PC: variants seen among roughly 807,000 people sequenced by gnomAD.
PC encodes the protein pyruvate carboxylase.
PC carries 46 observed loss-of-function variants against 107.8 expected under a neutral mutation model. The ratio of observed to expected loss-of-function variants is 0.43; its 90% confidence interval spans 0.34 to 0.55. The LOEUF (loss-of-function observed/expected upper bound fraction) is 0.55, where lower values mean the gene tolerates loss of function less well. PC is among the 20% of genes least tolerant of loss of function. The pLI is 0.04. For synonymous variants in PC, 662 were observed against 684.7 expected, an observed-to-expected ratio of 0.97 and a Z score of 0.52; for missense variants, 1,241 against 1,643.1, an observed-to-expected ratio of 0.76 and a Z score of 4.23.
At chr11:66,895,323 T>C (rs1374199410) in intron 3 of PC, among the ~76,000 whole-genome samples, 3 of 152,202 alleles carry the variant, frequency 2.0e-5, no homozygotes, top group Non-Finnish European at 4.4e-5. Flanking sequence ...AACTCAGAAC[T>C]GGACCCCCAC....
In PC at chr11:66,945,007, G is replaced by A. The variant is rs1350837097; in HGVS notation, c.-1+7423C>T. Among the ~76,000 whole-genome samples, 4 of 117,606 alleles carry A rather than the reference G, an allele frequency of 3.4e-5. 1 individual carries two copies. The highest frequency in any genetic ancestry group is 7.6e-5 in the Non-Finnish European group (4 of 52,730). 77.2% of individuals were successfully genotyped at this position (117,606 alleles called of 152,430 possible). On this transcript the variant is annotated intron_variant, in intron 3 of 22. Coordinates refer to ENST00000393960, the MANE Select transcript of PC (RefSeq NM_001040716.2). ...GATGGCAATGGGCTCTCCAAAGATT[G>A]GTAGCTCTCCACCGGGAGGTTAGGG...
At chr11:66,937,487 T>C (rs1041322131) in intron 3 of PC, among the ~76,000 whole-genome samples, 1 of 152,212 alleles carries the variant, frequency 6.6e-6, no homozygotes. Flanking sequence ...CTGAGCTTCC[T>C]GAGTGGGTAG....
At chr11:66,946,638 TA>T (rs1473740519) in intron 3 of PC, among the ~76,000 whole-genome samples, 2 of 151,846 alleles carry the variant, frequency 1.3e-5, no homozygotes, top group African/African-American at 4.8e-5. Context: ...AAATTTTTTT[TA>T]AATCAGCCAG....
chr11:66,888,610 T>TTAAA (rs1301236897), intron 3 of PC, among the ~76,000 whole-genome samples: 1 of 152,056 alleles, frequency 6.6e-6, no homozygotes, highest in Non-Finnish European at 1.5e-5. Flanking sequence ...GGATGTGGCC[T>TTAAA]TAAATAAACA....
At chr11:66,937,576 T>G (rs1034968565) in intron 3 of PC, among the ~76,000 whole-genome samples, 1 of 152,108 alleles carries the variant, frequency 6.6e-6, no homozygotes, top group Non-Finnish European at 1.5e-5. Flanking sequence ...ATGATGCATA[T>G]GTTGATTTGT....
At chr11:66,929,174 G>C (rs1948787945) in intron 3 of PC, among the ~76,000 whole-genome samples, 2 of 152,230 alleles carry the variant, frequency 1.3e-5, no homozygotes, top group South Asian at 4.2e-4. Context: ...TCAGTGTCAT[G>C]TGAGTTTGAA....
At chr11:66,943,970 CAAA>C (rs145566931) in intron 3 of PC, among the ~76,000 whole-genome samples, 10 of 100,638 alleles carry the variant, frequency 9.9e-5, no homozygotes, top group Admixed American at 1.1e-4. Flanking sequence ...GAAACTGTCT[CAAA>C]AAAAAAAAAA....
intron 12 of PC, 109 bp from the exon 13 acceptor site, chr11:66,853,492 C>T (rs1326265050): frequency 1.5e-6 from 2 of 1,320,564 alleles, no homozygotes; most frequent in East Asian, 4.6e-5. Context: ...TGGGCCAGCA[C>T]AGCTTCTGGG....
At chr11:66,882,056 G>A (rs35099456) in intron 3 of PC, among the ~76,000 whole-genome samples, 3 of 152,148 alleles carry the variant, frequency 2.0e-5, no homozygotes, top group African/African-American at 7.2e-5. Flanking sequence ...GAGAGCTGAC[G>A]AACAATGTCA....
intron 13 of PC, 172 bp downstream of exon 13, chr11:66,853,067 C>T (rs750404237): frequency 3.7e-4 from 274 of 738,920 alleles, no homozygotes; most frequent in Non-Finnish European, 5.7e-4. Flanking sequence ...GCAAGGAGAG[C>T]AGTGAATGGC....
intron 3 of PC, among the ~76,000 whole-genome samples, chr11:66,919,176 G>A (rs1948534526): frequency 6.6e-6 from 1 of 152,228 alleles, no homozygotes; most frequent in Non-Finnish European, 1.5e-5. Context: ...GGCACTTCGG[G>A]AGGCCAAGGG....
At chr11:66,885,487 TAAA>T (rs35717036) in intron 3 of PC, among the ~76,000 whole-genome samples, 8 of 104,244 alleles carry the variant, frequency 7.7e-5, no homozygotes, top group East Asian at 5.3e-4. Context: ...AGACTCTGTC[TAAA>T]AAAAAAAAAA....
chr11:66,850,447 C>T lies in PC; in HGVS notation c.2491G>A (p.Val831Met), dbSNP rs762323318. The change falls in exon 19 of 23, where the codon GTG becomes ATG. Residue 831 changes from valine (V) to methionine (M), a missense_variant. Val to Met is a conservative substitution (Grantham distance 21, BLOSUM62 1). Coordinates refer to ENST00000393960, the MANE Select transcript of PC (RefSeq NM_001040716.2). ...PLDTEVPMERVFDYSEYWEGA... is the reference protein window; with the variant it reads ...PLDTEVPMERMFDYSEYWEGA... ...TCCCAGTACTCACTGTAGTCAAACA[C>T]GCGCTCCATGGGCACCTCTGCAGGG... The T allele has an allele frequency of 3.1e-6, 5 of 1,613,926 alleles. No individual in the cohort carries two copies. The highest frequency in any genetic ancestry group is 1.3e-5 in the African/African-American group (1 of 75,030).
Position 66,942,399 on chromosome 11 carries a change from C to CAAAA in PC, c.-1+10027_-1+10030dup, listed in dbSNP as rs577741732. Reference sequence around the variant, plus strand: ...TGGGCGACAGAGCGAGACTCCATCTCAAAAAAAAAAAAAAAGAAATTCTGA... The same window carrying CAAAA: ...TGGGCGACAGAGCGAGACTCCATCTCAAAAAAAAAAAAAAAAAAAGAAATTCTGA... On this transcript the variant is annotated intron_variant, in intron 3 of 22. Transcript: ENST00000393960. 6.4e-3 allele frequency among the ~76,000 whole-genome samples: 561 copies of CAAAA among 87,008 alleles called. 2 individuals carry two copies. The highest frequency in any genetic ancestry group is 8.6e-3 in the Non-Finnish European group (359 of 41,504). 57.1% of individuals were successfully genotyped at this position (87,008 alleles called of 152,430 possible).
chr11:66,865,965 C>T (rs890946720), intron 11 of PC, among the ~76,000 whole-genome samples: 6 of 152,186 alleles, frequency 3.9e-5, no homozygotes, highest in African/African-American at 9.6e-5. Flanking sequence ...CCCACCCTCA[C>T]GGCTTCCTCC....
intron 3 of PC, among the ~76,000 whole-genome samples, chr11:66,881,827 C>T (rs892045365): frequency 1.3e-5 from 2 of 152,204 alleles, no homozygotes; most frequent in Non-Finnish European, 2.9e-5. Flanking sequence ...GCCTGGAGCC[C>T]GCTTCATATG....
At chr11:66,920,393 C>G (rs1948565288) in intron 3 of PC, among the ~76,000 whole-genome samples, 1 of 152,010 alleles carries the variant, frequency 6.6e-6, no homozygotes, top group Admixed American at 6.6e-5. Context: ...GTTAGGAAAA[C>G]CTGAAACTTA....
In PC at chr11:66,859,245, G is replaced by A. The variant is rs563404603; in HGVS notation, c.1368+4529C>T. 195 of 1,106,184 alleles carry A rather than the reference G, an allele frequency of 1.8e-4. 3 individuals are homozygous for A. In the South Asian group the frequency reaches 3.2e-3, roughly 18 times the overall value. 68.5% of individuals were successfully genotyped at this position (1,106,184 alleles called of 1,614,324 possible). ...TGGACTCTTGGAGGAGCAGTGGCCT[G>A]GCCTGGCCTGGCTGCCTGAGGGGGC... On this transcript the variant is annotated intron_variant, in intron 12 of 22. Coordinates refer to ENST00000393960, the MANE Select transcript of PC (RefSeq NM_001040716.2).
In PC at chr11:66,857,241, GGGCCGGCCGGGCTCGCAGGGA is replaced by G. The variant is rs1945914626; in HGVS notation, c.1369-3879_1369-3859del. The stretch of plus-strand genomic sequence containing the variant: ...CGGGAGAGCGGCCAGGAGTCGGCGG[GGGCCGGCCGGGCTCGCAGGGA>G]GGCCGGCCCGCGCCCCCTGAGCGAC... On this transcript the variant is annotated intron_variant, in intron 12 of 22. Transcript: ENST00000393960. This position sits in a 1 kb window ranked among gnomAD's most constrained non-coding sequence, Gnocchi z 7.1. The G allele has an allele frequency of 1.3e-5, 2 of 148,744 alleles. No homozygotes were observed. The highest frequency in any genetic ancestry group is 2.1e-4 in the South Asian group (1 of 4,808). 9.2% of individuals were successfully genotyped at this position (148,744 alleles called of 1,614,324 possible).
Sources: gnomAD v4.1 joint callset for allele counts (sites outside exome capture counted in the v4.1 genomes callset) on GRCh38, gnomAD v4.1.1 for gene constraint, Gnocchi (gnomAD v3.1) non-coding constraint, MANE v1.5 for transcripts, NCBI Gene and HGNC (gene_info 2026-07-23, HGNC 2026-07-21) for gene names.